EPM2A: variants seen among roughly 807,000 people sequenced by gnomAD.
EPM2A encodes EPM2A glucan phosphatase, laforin, also known as laforin.
In EPM2A, 21 loss-of-function variants were observed where a neutral mutation model predicts 26.5. The ratio of observed to expected loss-of-function variants is 0.79; its 90% CI spans 0.56 to 1.14. EPM2A has a LOEUF of 1.14. Among genes scored for constraint, EPM2A ranks in the 50% most tolerant of loss-of-function variants. EPM2A has a pLI of 0.00. For synonymous variants in EPM2A, 217 were observed against 177.6 expected, an observed-to-expected ratio of 1.22 and a Z score of -1.76; for missense variants, 458 against 440.8, an observed-to-expected ratio of 1.04 and a Z score of -0.35.
chr6:145,396,276 C>G (rs150792443), intron 4 of EPM2A, among the ~76,000 whole-genome samples: 48 of 152,290 alleles, frequency 3.2e-4, no homozygotes, highest in African/African-American at 1.0e-3. Flanking sequence ...CCTCCTTCTT[C>G]CCGGGCTCCT....
chr6:145,718,325 A>C (rs1583117702), intron 1 of EPM2A, among the ~76,000 whole-genome samples: 1 of 146,478 alleles, frequency 6.8e-6, no homozygotes. Context: ...CATATCTACA[A>C]CTATCTGATC....
At chr6:145,491,249 G>C (rs950004084) in intron 4 of EPM2A, 1 of 369,152 alleles carries the variant, frequency 2.7e-6, no homozygotes, top group Admixed American at 3.8e-5. Flanking sequence ...GGGGCTAGCC[G>C]GCCACTTCGG....
chr6:145,702,433 T>C (rs1331860040), intron 1 of EPM2A, among the ~76,000 whole-genome samples: 2 of 151,266 alleles, frequency 1.3e-5, no homozygotes, highest in African/African-American at 4.9e-5. Flanking sequence ...AATGAGAAAA[T>C]CATTTAAGCA....
At chr6:145,696,727 G>T (rs1442367045) in intron 1 of EPM2A, among the ~76,000 whole-genome samples, 2 of 150,350 alleles carry the variant, frequency 1.3e-5, no homozygotes, top group Non-Finnish European at 3.0e-5. Context: ...TATCAAATAT[G>T]ATAGTATGAT....
chr6:145,499,579 CA>C (rs927341256), downstream of EPM2A, among the ~76,000 whole-genome samples: 44 of 152,176 alleles, frequency 2.9e-4, no homozygotes, highest in Non-Finnish European at 5.0e-4. Flanking sequence ...TCTGTATGAG[CA>C]GAAACACAGT....
chr6:145,426,412 G>A (rs1196733870), intron 4 of EPM2A, among the ~76,000 whole-genome samples: 1 of 152,166 alleles, frequency 6.6e-6, no homozygotes. Flanking sequence ...CATCGATATT[G>A]TAGCACATAT....
intron 4 of EPM2A, chr6:145,489,888 T>C: frequency 7.3e-7 from 1 of 1,361,722 alleles, no homozygotes; most frequent in South Asian, 1.2e-5. Context: ...TCTCTACGTG[T>C]ACTTCAGTAC....
chr6:145,415,838 C>T (rs1283068018), intron 4 of EPM2A, among the ~76,000 whole-genome samples: 1 of 151,960 alleles, frequency 6.6e-6, no homozygotes, highest in Non-Finnish European at 1.5e-5. Context: ...AGTTCTGTTG[C>T]TCAGGTAACT....
At chr6:145,427,150 C>T (rs1438415772) in intron 4 of EPM2A, among the ~76,000 whole-genome samples, 1 of 152,124 alleles carries the variant, frequency 6.6e-6, no homozygotes, top group Non-Finnish European at 1.5e-5. Context: ...ATTCTGGCAA[C>T]CTTAGACAGC....
intron 4 of EPM2A, among the ~76,000 whole-genome samples, chr6:145,425,423 C>T (rs951988794): frequency 5.3e-5 from 8 of 152,118 alleles, no homozygotes; most frequent in African/African-American, 1.2e-4. Flanking sequence ...GACCCACCTG[C>T]CTTTGCCTTC....
At chr6:145,721,084 GC>G (rs1235271155) in intron 1 of EPM2A, 1 of 152,234 alleles carries the variant, frequency 6.6e-6, no homozygotes, top group Non-Finnish European at 1.5e-5. Flanking sequence ...GATGGCTTGA[GC>G]CTGGGAGGCA....
intron 2 of EPM2A, among the ~76,000 whole-genome samples, chr6:145,522,555 A>C (rs392014): frequency 0.47 from 71,363 of 151,652 alleles, 16,779 homozygotes; most frequent in South Asian, 0.6. Flanking sequence ...TTTAAACAGT[A>C]CTCTTTCTCC....
At chr6:145,671,132 C>T in intron 2 of EPM2A, 1 of 995,160 alleles carries the variant, frequency 1.0e-6, no homozygotes, top group Non-Finnish European at 1.2e-6. Context: ...AATTCTGTGG[C>T]TATTCTCTGT....
intron 2 of EPM2A, among the ~76,000 whole-genome samples, chr6:145,536,779 C>G (rs760099949): frequency 2.6e-5 from 4 of 152,198 alleles, no homozygotes; most frequent in Non-Finnish European, 5.9e-5. Flanking sequence ...TAAATGAAAA[C>G]TAACCAAATG....
intron 2 of EPM2A, among the ~76,000 whole-genome samples, chr6:145,533,794 C>T (rs561714473): frequency 6.6e-6 from 1 of 152,166 alleles, no homozygotes; most frequent in Non-Finnish European, 1.5e-5. Context: ...CACCATTTGT[C>T]TTCTGCACAT....
intron 4 of EPM2A, among the ~76,000 whole-genome samples, chr6:145,492,339 C>G (rs959893733): frequency 3.9e-5 from 6 of 152,130 alleles, no homozygotes; most frequent in Non-Finnish European, 8.8e-5. Context: ...AAATTCTGTG[C>G]GGCCCCCACA....
At chr6:145,490,943 A>G (rs1207254580) in intron 4 of EPM2A, 9 of 801,310 alleles carry the variant, frequency 1.1e-5, no homozygotes, top group Non-Finnish European at 1.9e-5. Context: ...TGTGTACTTT[A>G]TGGATGCTTG....
At chr6:145,424,288 A>T (rs1293786785) in intron 4 of EPM2A, among the ~76,000 whole-genome samples, 1 of 152,222 alleles carries the variant, frequency 6.6e-6, no homozygotes, top group Non-Finnish European at 1.5e-5. Context: ...GAGGGATGTG[A>T]CGTTAAGTTG....
chr6:145,480,580 T>A (rs964251887), intron 4 of EPM2A, among the ~76,000 whole-genome samples: 2 of 152,172 alleles, frequency 1.3e-5, no homozygotes, highest in African/African-American at 4.8e-5. Context: ...TTCTTCACAA[T>A]GTCCTGTGAT....
Sources: gnomAD v4.1 joint callset for allele counts (sites outside exome capture counted in the v4.1 genomes callset) on GRCh38, gnomAD v4.1.1 for gene constraint, MANE v1.5 for transcripts, NCBI Gene and HGNC (gene_info 2026-07-23, HGNC 2026-07-21) for gene names.